Variants in ABCC11 observed in about 807,000 individuals in gnomAD.
ABCC11 encodes ATP-binding cassette sub-family C member 11.
Under a neutral mutation model 149.3 loss-of-function variants are expected in ABCC11, and 135 were observed. The ratio of observed to expected loss-of-function variants is 0.90; its 90% confidence interval spans 0.79 to 1.04. The LOEUF is 1.04. Among genes scored for constraint, ABCC11 ranks in the 50% least tolerant of loss-of-function variants. The probability of loss-of-function intolerance (pLI) is 0.00; values close to 1 mark genes in which losing one functional copy is unlikely to be tolerated. For missense variants in ABCC11, 1,680 were observed against 1,722.1 expected (o/e 0.98, Z 0.43); for synonymous variants, 665 against 671.4 (o/e 0.99, Z 0.15).
At chr16:48,233,478 G>T (rs1567292339) in intron 1 of ABCC11, among the ~76,000 whole-genome samples, 2 of 152,218 alleles carry the variant, frequency 1.3e-5, no homozygotes, top group Non-Finnish European at 2.9e-5. Context: ...TGATAGAAAA[G>T]AGAAAAGAGA....
At position 48,178,596 on chromosome 16, in the gene ABCC11, C is replaced by T. The variant is rs369953997; in HGVS notation, c.3348+1G>A. The T allele has an allele frequency of 2.5e-5, 41 of 1,613,940 alleles. No individual in the cohort carries two copies. Among genetic ancestry groups the T allele is most frequent in the Non-Finnish European group, 3.3e-5 (39 of 1,179,972 alleles). ...ACACCAGACCCAGACCTGAACCCCACCTTCATGTACTGCAGTATCCTCTCT... is the reference window on the plus strand; with the variant it reads ...ACACCAGACCCAGACCTGAACCCCATCTTCATGTACTGCAGTATCCTCTCT... On this transcript the variant is annotated splice_donor_variant, in intron 24 of 29. Transcript: ENST00000356608. LOFTEE classifies it high-confidence loss of function.
At chr16:48,230,636 G>A (rs1359215640) in intron 2 of ABCC11, 63 bp from the exon 3 acceptor site, 13 of 1,421,264 alleles carry the variant, frequency 9.1e-6, no homozygotes, top group Non-Finnish European at 1.1e-5. Flanking sequence ...CTGAGGGAAT[G>A]TTGGACCAGC....
intron 14 of ABCC11, among the ~76,000 whole-genome samples, chr16:48,201,897 G>A (rs939484526): frequency 1.3e-5 from 2 of 152,212 alleles, no homozygotes; most frequent in Non-Finnish European, 2.9e-5. Context: ...GAGCTGGAGT[G>A]TAAGTCCTAG....
chr16:48,244,706 C>G, intron 1 of ABCC11: 3 of 1,005,822 alleles, frequency 3.0e-6, no homozygotes, highest in South Asian at 5.3e-5. Flanking sequence ...GCCTTGAGCG[C>G]GAGGCTCAGT....
At chr16:48,231,783 C>T in intron 2 of ABCC11, 40 bp downstream of exon 2, 1 of 1,599,172 alleles carries the variant, frequency 6.3e-7, no homozygotes, top group Non-Finnish European at 8.6e-7. Context: ...ATTCTGCCAA[C>T]TCAGTTTCCT....
At chr16:48,240,892 A>G (rs1883951689) in intron 1 of ABCC11, among the ~76,000 whole-genome samples, 1 of 152,108 alleles carries the variant, frequency 6.6e-6, no homozygotes, top group African/African-American at 2.4e-5. Flanking sequence ...ATCGTCATTA[A>G]TAAGACATTT....
chr16:48,219,931 A>G (rs1040086963), intron 6 of ABCC11, among the ~76,000 whole-genome samples: 3 of 152,226 alleles, frequency 2.0e-5, no homozygotes, highest in Non-Finnish European at 4.4e-5. Context: ...CAGTGAGCCA[A>G]GGTTGCACTA....
intron 1 of ABCC11, among the ~76,000 whole-genome samples, chr16:48,233,431 C>T (rs1014105391): frequency 1.3e-5 from 2 of 152,164 alleles, no homozygotes; most frequent in Non-Finnish European, 1.5e-5. Context: ...CATAGGCTTA[C>T]TTGCCATGTA....
chr16:48,192,531 GC>G lies in ABCC11; in HGVS notation c.2694del (p.Lys898AsnfsTer11). The G allele has an allele frequency of 1.2e-6, 2 of 1,614,216 alleles. No homozygotes were observed. Among genetic ancestry groups the G allele is most frequent in the Non-Finnish European group, 1.7e-6 (2 of 1,180,016 alleles). ...TRKASTALHN[K>X]LFNKVFRCPM... ...ACCCAGGCCCATACCTTGTTGAAGA[GC>G]TTGTTGTGCAGGGCCGTGGATGCCT... On this transcript the variant is annotated frameshift_variant, in exon 20 of 30. Coordinates refer to ENST00000356608, the MANE Select transcript of ABCC11 (RefSeq NM_001370497.1). LOFTEE classifies it high-confidence loss of function.
chr16:48,231,679 G>T, intron 2 of ABCC11, 144 bp downstream of exon 2: 2 of 1,118,190 alleles, frequency 1.8e-6, no homozygotes, highest in Non-Finnish European at 2.4e-6. Context: ...AAAAAAAAGA[G>T]AGAGAGAGAG....
chr16:48,192,628 G>C lies in ABCC11; in HGVS notation c.2598C>G (p.Tyr866Ter). 5 of 1,614,144 alleles carry C rather than the reference G, an allele frequency of 3.1e-6. No individual in the cohort carries two copies. The highest frequency in any genetic ancestry group is 4.2e-6 in the Non-Finnish European group (5 of 1,180,014). Reference sequence around the variant, plus strand: ...AGATGAGGAGCAGGGCGTTGAGCCCGTACACCAGCTGGTAGAAGGACAGTT... The same window carrying C: ...AGATGAGGAGCAGGGCGTTGAGCCCCTACACCAGCTGGTAGAAGGACAGTT... ...NPQLSFYQLV[Y>*]GLNALLLICV... The change falls in exon 20 of 30, where the codon TAC (tyrosine) becomes TAG (stop). Residue 866 changes from tyrosine (Y) to a stop codon, truncating the protein, a stop_gained. Coordinates refer to ENST00000356608, the MANE Select transcript of ABCC11 (RefSeq NM_001370497.1). LOFTEE classifies it high-confidence loss of function.
At chr16:48,220,224 C>A (rs150470761) in intron 6 of ABCC11, among the ~76,000 whole-genome samples, 7 of 152,160 alleles carry the variant, frequency 4.6e-5, no homozygotes, top group Non-Finnish European at 8.8e-5. Context: ...GGTTGAAGAC[C>A]CGGACTCTGC....
intron 6 of ABCC11, among the ~76,000 whole-genome samples, chr16:48,221,889 A>G (rs1203888972): frequency 6.6e-6 from 1 of 151,494 alleles, no homozygotes. Context: ...CTATAGGTAT[A>G]TACCACCATG....
chr16:48,170,134 T>C lies in ABCC11; in HGVS notation c.3862A>G (p.Ile1288Val). The change falls in exon 28 of 30, where the codon ATT becomes GTT. Residue 1288 changes from isoleucine to valine, a missense_variant. Ile to Val is a conservative substitution (Grantham distance 29). Coordinates refer to ENST00000356608, the MANE Select transcript of ABCC11 (RefSeq NM_001370497.1). Reference sequence around the variant, plus strand: ...GAGTTGCGAAGCACAGCCCTGGCAATGCAGAGCAGCTGCCTCTCCCCCACA... The same window carrying C: ...GAGTTGCGAAGCACAGCCCTGGCAACGCAGAGCAGCTGCCTCTCCCCCACA... ...FSVGERQLLC[I>V]ARAVLRNSKI... The C allele has an allele frequency of 6.2e-7, 1 of 1,614,124 alleles. No individual in the cohort carries two copies. The highest frequency in any genetic ancestry group is 1.3e-5 in the African/African-American group (1 of 75,046).
intron 22 of ABCC11, among the ~76,000 whole-genome samples, chr16:48,185,627 T>C (rs1009774513): frequency 3.9e-5 from 6 of 152,226 alleles, no homozygotes; most frequent in Admixed American, 2.6e-4. Context: ...AATTAAATAT[T>C]CATTTACTCA....
intron 3 of ABCC11, among the ~76,000 whole-genome samples, chr16:48,229,784 C>A (rs1970315923): frequency 6.6e-6 from 1 of 152,110 alleles, no homozygotes; most frequent in Non-Finnish European, 1.5e-5. Flanking sequence ...TTTAATGTGG[C>A]CTTTGAGAAC....
chr16:48,187,465 T>G, intron 20 of ABCC11, 38 bp from the exon 21 acceptor site: 2 of 1,525,746 alleles, frequency 1.3e-6, no homozygotes, highest in Non-Finnish European at 1.8e-6. Flanking sequence ...TGAGAGAAGC[T>G]GCAGGCCCTG....
intron 1 of ABCC11, among the ~76,000 whole-genome samples, chr16:48,236,817 C>T (rs1052502497): frequency 6.6e-6 from 1 of 152,150 alleles, no homozygotes; most frequent in Non-Finnish European, 1.5e-5. Context: ...TATAGAGCAG[C>T]ATTAATTTGT....
intron 6 of ABCC11, 115 bp downstream of exon 6, chr16:48,222,483 C>A: frequency 1.2e-6 from 1 of 833,124 alleles, no homozygotes. Flanking sequence ...TATTTTCTTT[C>A]TCTTTCTCCT....
Sources: allele counts gnomAD v4.1 joint callset (sites outside exome capture counted in the v4.1 genomes callset), GRCh38; gene constraint gnomAD v4.1.1; transcripts MANE v1.5; gene names NCBI Gene and HGNC (gene_info 2026-07-23, HGNC 2026-07-21).